Variants in SCMH1 observed in about 807,000 individuals in gnomAD.
SCMH1 encodes Scm polycomb group protein homolog 1.
Under a neutral mutation model 70.8 loss-of-function variants are expected in SCMH1, and 37 were observed. The ratio of observed to expected loss-of-function variants is 0.52; its 90% confidence interval spans 0.40 to 0.69. The LOEUF (loss-of-function observed/expected upper bound fraction) is 0.69, where lower values mean the gene tolerates loss of function less well. SCMH1 is among the 30% of genes least tolerant of loss of function. The pLI is 0.00. For synonymous variants in SCMH1, 292 were observed against 307.4 expected (o/e 0.95, Z 0.52); for missense variants, 607 against 827.3 (o/e 0.73, Z 3.27).
At chr1:41,233,077 A>T (rs933103475) in intron 1 of SCMH1, among the ~76,000 whole-genome samples, 1 of 152,184 alleles carries the variant, frequency 6.6e-6, no homozygotes, top group African/African-American at 2.4e-5. Context: ...CCTAATAGTT[A>T]CAGAACTTGA....
intron 10 of SCMH1, among the ~76,000 whole-genome samples, chr1:41,064,715 C>G (rs905618863): frequency 6.6e-6 from 1 of 152,008 alleles, no homozygotes; most frequent in East Asian, 1.9e-4. Context: ...GAATTCAAGA[C>G]CAGCCTGGGC....
chr1:41,219,551 G>A (rs572185466), intron 1 of SCMH1, among the ~76,000 whole-genome samples: 1 of 152,334 alleles, frequency 6.6e-6, no homozygotes, highest in East Asian at 1.9e-4. Context: ...GATGTCATCA[G>A]AATAGTTGGG....
In SCMH1 at chr1:41,095,744, C is replaced by A. The variant is rs555223109; in HGVS notation, c.745+17539G>T. Reference sequence around the variant, plus strand: ...TCTTAAAAATATTCTTTCTTTGACACCGTCTTGTATTTCTGGGAAACTAAG... The same window carrying A: ...TCTTAAAAATATTCTTTCTTTGACAACGTCTTGTATTTCTGGGAAACTAAG... On this transcript the variant is annotated intron_variant, in intron 8 of 14. Coordinates refer to ENST00000337495, the Ensembl canonical transcript of SCMH1. Among the ~76,000 whole-genome samples, 7 of 152,236 alleles carry A rather than the reference C, an allele frequency of 4.6e-5. No individual in the cohort carries two copies. In the East Asian group the frequency reaches 1.2e-3, roughly 25 times the overall value.
chr1:41,154,716 C>A (rs576515419), intron 4 of SCMH1, among the ~76,000 whole-genome samples: 4 of 152,014 alleles, frequency 2.6e-5, no homozygotes, highest in Non-Finnish European at 5.9e-5. Context: ...GAGATTATTA[C>A]GAAGATTAAT....
At chr1:41,075,345 C>G in exon 9 of SCMH1, 1 of 1,614,112 alleles carries the variant, frequency 6.2e-7, no homozygotes, top group Non-Finnish European at 8.5e-7. Context: ...CTGGTTTACG[C>G]CCCCTCTGCC....
intron 6 of SCMH1, among the ~76,000 whole-genome samples, chr1:41,141,500 G>C (rs904681721): frequency 6.6e-6 from 1 of 152,148 alleles, no homozygotes; most frequent in Admixed American, 6.5e-5. Flanking sequence ...CATGCTTCTT[G>C]ATAGAAATAA....
At chr1:41,130,680 T>G (rs1457355327) in intron 6 of SCMH1, among the ~76,000 whole-genome samples, 1 of 152,198 alleles carries the variant, frequency 6.6e-6, no homozygotes, top group East Asian at 1.9e-4. Flanking sequence ...TATAGTTCAA[T>G]GGGTTTTAGT....
chr1:41,180,934 C>T (rs145084116), intron 2 of SCMH1, among the ~76,000 whole-genome samples: 62 of 152,306 alleles, frequency 4.1e-4, no homozygotes, highest in African/African-American at 1.5e-3. Flanking sequence ...ATCACGCTAC[C>T]TGACTTCAAA....
intron 2 of SCMH1, among the ~76,000 whole-genome samples, chr1:41,177,598 G>C (rs1557745782): frequency 6.6e-6 from 1 of 152,226 alleles, no homozygotes; most frequent in Non-Finnish European, 1.5e-5. Context: ...GAATGCACAA[G>C]CCTCAGTAGC....
intron 8 of SCMH1, among the ~76,000 whole-genome samples, chr1:41,095,132 A>C (rs1664739718): frequency 6.6e-6 from 1 of 152,170 alleles, no homozygotes; most frequent in Non-Finnish European, 1.5e-5. Flanking sequence ...CTTAAGGACT[A>C]TGTTGTTATG....
chr1:41,032,398 A>C (rs1034312776), intron 13 of SCMH1, among the ~76,000 whole-genome samples: 1 of 152,220 alleles, frequency 6.6e-6, no homozygotes, highest in Non-Finnish European at 1.5e-5. Context: ...AGCAAATAGC[A>C]CATGTAGGAT....
At chr1:41,203,258 A>G (rs767551304) in intron 1 of SCMH1, among the ~76,000 whole-genome samples, 9 of 152,190 alleles carry the variant, frequency 5.9e-5, no homozygotes, top group Non-Finnish European at 1.3e-4. Flanking sequence ...CTTGAAAAAG[A>G]AAATTCACAT....
chr1:41,050,473 T>C (rs895366012), intron 10 of SCMH1, among the ~76,000 whole-genome samples: 1 of 152,170 alleles, frequency 6.6e-6, no homozygotes, highest in African/African-American at 2.4e-5. Context: ...TCTCTGAGGA[T>C]TCTCCACCTT....
intron 6 of SCMH1, among the ~76,000 whole-genome samples, chr1:41,122,731 T>TA (rs1409936530): frequency 3.9e-5 from 6 of 152,212 alleles, no homozygotes; most frequent in Admixed American, 3.9e-4. Context: ...GTGGCTAAGT[T>TA]AATATTACAA....
chr1:41,228,363 A>T (rs1660662536), intron 1 of SCMH1, among the ~76,000 whole-genome samples: 2 of 152,216 alleles, frequency 1.3e-5, no homozygotes, highest in South Asian at 4.1e-4. Flanking sequence ...CAGCAATGTG[A>T]CTATACTTAG....
At chr1:41,111,616 C>G (rs1430433317) in intron 8 of SCMH1, among the ~76,000 whole-genome samples, 1 of 152,208 alleles carries the variant, frequency 6.6e-6, no homozygotes, top group African/African-American at 2.4e-5. Flanking sequence ...GCTGGGATTA[C>G]AGATGTGAGC....
intron 1 of SCMH1, among the ~76,000 whole-genome samples, chr1:41,194,686 G>T (rs1052462501): frequency 5.9e-5 from 9 of 152,152 alleles, no homozygotes; most frequent in Non-Finnish European, 1.3e-4. Flanking sequence ...TTTACTGTGA[G>T]AAATATAACC....
At chr1:41,028,201 T>C in exon 15 of SCMH1, 1 of 1,614,144 alleles carries the variant, frequency 6.2e-7, no homozygotes, top group South Asian at 1.1e-5. Flanking sequence ...GGTTCAGAAC[T>C]TGCCCTGCTT....
chr1:41,236,940 G>A (rs1239243991), intron 1 of SCMH1, among the ~76,000 whole-genome samples: 1 of 152,176 alleles, frequency 6.6e-6, no homozygotes, highest in Non-Finnish European at 1.5e-5. Context: ...AGTTTACGGT[G>A]GCTAGAGAGT....
Sources: allele counts gnomAD v4.1 joint callset (sites outside exome capture counted in the v4.1 genomes callset), GRCh38; gene constraint gnomAD v4.1.1; transcripts MANE v1.5; gene names NCBI Gene and HGNC (gene_info 2026-07-23, HGNC 2026-07-21).